Variants in ABI1 observed in about 807,000 individuals in gnomAD.
ABI1 encodes Abelson interactor 1.
Under a neutral mutation model 54.6 loss-of-function variants are expected in ABI1, and 14 were observed. The ratio of observed to expected loss-of-function variants is 0.26; its 90% CI spans 0.17 to 0.40. ABI1 has a LOEUF of 0.40. Among genes scored for constraint, ABI1 ranks in the 10% least tolerant of loss-of-function variants. The pLI is 1.00. For synonymous variants in ABI1, 194 were observed against 209.3 expected (o/e 0.93, Z 0.63); for missense variants, 443 against 598.3 (o/e 0.74, Z 2.71).
intron 6 of ABI1, among the ~76,000 whole-genome samples, chr10:26,767,775 G>A (rs755109361): frequency 2.0e-5 from 3 of 152,120 alleles, no homozygotes; most frequent in South Asian, 2.1e-4. Flanking sequence ...GGCCAGGAGC[G>A]GTGGATCATG....
At chr10:26,822,563 T>C (rs1402789680) in intron 2 of ABI1, among the ~76,000 whole-genome samples, 3 of 151,484 alleles carry the variant, frequency 2.0e-5, no homozygotes, top group Non-Finnish European at 4.4e-5. Context: ...CATGAATGAA[T>C]CTCAAAATAA....
intron 7 of ABI1, among the ~76,000 whole-genome samples, chr10:26,764,938 T>C (rs115047360): frequency 0.015 from 2,358 of 152,230 alleles, 52 homozygotes; most frequent in African/African-American, 0.054. Flanking sequence ...CCATGGACAC[T>C]GAGGAATGAA....
chr10:26,764,264 T>C (rs1286858859), intron 7 of ABI1, among the ~76,000 whole-genome samples: 2 of 152,170 alleles, frequency 1.3e-5, no homozygotes, highest in Non-Finnish European at 1.5e-5. Flanking sequence ...TTTTTAACAA[T>C]ATAAAAAGTC....
chr10:26,749,945 G>A (rs1837401026), intron 10 of ABI1, among the ~76,000 whole-genome samples: 1 of 152,044 alleles, frequency 6.6e-6, no homozygotes, highest in African/African-American at 2.4e-5. Context: ...CCTAGTTCTT[G>A]GGAATATACT....
intron 1 of ABI1, among the ~76,000 whole-genome samples, chr10:26,837,292 G>A (rs561931186): frequency 9.2e-5 from 14 of 152,220 alleles, no homozygotes; most frequent in Non-Finnish European, 1.9e-4. Flanking sequence ...CCACCTTCTC[G>A]CTGTGTCCTC....
At chr10:26,758,955 A>T (rs1242864746) in intron 8 of ABI1, 107 bp downstream of exon 8, 3 of 1,143,906 alleles carry the variant, frequency 2.6e-6, no homozygotes, top group Non-Finnish European at 3.7e-6. Flanking sequence ...AACATGAAAC[A>T]TCATGGTTTT....
intron 2 of ABI1, among the ~76,000 whole-genome samples, chr10:26,819,011 G>A (rs10829075): frequency 0.045 from 6,779 of 152,176 alleles, 193 homozygotes; most frequent in Middle Eastern, 0.075. Flanking sequence ...AAAAAAGAAA[G>A]TGCATGACAC....
chr10:26,819,411 A>G (rs930151359), intron 2 of ABI1, among the ~76,000 whole-genome samples: 2 of 152,250 alleles, frequency 1.3e-5, no homozygotes, highest in Admixed American at 6.5e-5. Flanking sequence ...TACCTAATAT[A>G]GTATCACTTC....
chr10:26,758,971 G>GT, intron 8 of ABI1, 91 bp downstream of exon 8: 1 of 1,247,140 alleles, frequency 8.0e-7, no homozygotes, highest in South Asian at 1.5e-5. Flanking sequence ...GTTTTCAATT[G>GT]TTGTCTATCA....
At chr10:26,858,556 A>C (rs11015353) in intron 1 of ABI1, among the ~76,000 whole-genome samples, 19,067 of 143,926 alleles carry the variant, frequency 0.13, 1,617 homozygotes, top group African/African-American at 0.24. Context: ...AAAAAAAAAA[A>C]AAAAAAACGG....
chr10:26,833,024 A>C lies in ABI1; in HGVS notation c.118-9719T>G, dbSNP rs564429513. 5.3e-5 allele frequency among the ~76,000 whole-genome samples: 8 copies of C among 152,368 alleles called. No individual in the cohort carries two copies. In the South Asian group the frequency reaches 1.7e-3, roughly 32 times the overall value. On this transcript the variant is annotated intron_variant, in intron 1 of 10. Coordinates refer to ENST00000376140, the MANE Select transcript of ABI1 (RefSeq NM_001012750.3). Reference sequence around the variant, plus strand: ...GTTATGGCAAGTATCCAGCAAAAAAAATAAATTTTTTGCATGACAATTCAG... The same window carrying C: ...GTTATGGCAAGTATCCAGCAAAAAACATAAATTTTTTGCATGACAATTCAG...
intron 2 of ABI1, among the ~76,000 whole-genome samples, chr10:26,800,912 G>A (rs139457617): frequency 0.015 from 2,278 of 152,206 alleles, 43 homozygotes; most frequent in African/African-American, 0.046. Flanking sequence ...AGGCTGAGGC[G>A]GGAGAATCAC....
At chr10:26,767,399 A>C (rs1169423455) in intron 6 of ABI1, among the ~76,000 whole-genome samples, 2 of 152,204 alleles carry the variant, frequency 1.3e-5, no homozygotes, top group Non-Finnish European at 2.9e-5. Context: ...TACCAACCTA[A>C]GAGTGAAGGC....
At chr10:26,765,498 C>CA (rs1301443284) in intron 6 of ABI1, among the ~76,000 whole-genome samples, 180 bp from the exon 7 acceptor site, 1 of 152,126 alleles carries the variant, frequency 6.6e-6, no homozygotes, top group African/African-American at 2.4e-5. Context: ...TCAAGTCCTG[C>CA]AGTTGGCCCT....
chr10:26,773,899 A>G (rs1189125854), intron 3 of ABI1, among the ~76,000 whole-genome samples: 2 of 152,212 alleles, frequency 1.3e-5, no homozygotes, highest in Non-Finnish European at 2.9e-5. Flanking sequence ...CTCCAAAAAA[A>G]GTAACACATC....
intron 1 of ABI1, among the ~76,000 whole-genome samples, chr10:26,847,343 C>T (rs114986768): frequency 4.3e-4 from 66 of 152,196 alleles, no homozygotes; most frequent in African/African-American, 1.5e-3. Context: ...CTCTGAGGAC[C>T]AGGCATGGTG....
intron 1 of ABI1, among the ~76,000 whole-genome samples, chr10:26,847,100 G>A (rs117492658): frequency 3.0e-3 from 450 of 152,202 alleles, no homozygotes; most frequent in South Asian, 9.3e-3. Flanking sequence ...GTAAAAAGTC[G>A]CAGAATAACT....
At chr10:26,809,388 T>A (rs2047079263) in intron 2 of ABI1, among the ~76,000 whole-genome samples, 1 of 150,290 alleles carries the variant, frequency 6.7e-6, no homozygotes, top group Admixed American at 6.6e-5. Context: ...TGAGACCCCA[T>A]CTCTACAAAA....
At chr10:26,788,862 A>G (rs919309456) in intron 2 of ABI1, among the ~76,000 whole-genome samples, 1 of 150,222 alleles carries the variant, frequency 6.7e-6, no homozygotes. Flanking sequence ...GCAGTGAGCC[A>G]AGATCACGCC....
Sources: allele counts gnomAD v4.1 joint callset (sites outside exome capture counted in the v4.1 genomes callset), GRCh38; gene constraint gnomAD v4.1.1; transcripts MANE v1.5; gene names NCBI Gene and HGNC (gene_info 2026-07-23, HGNC 2026-07-21).